Variants in DTNA observed in about 807,000 individuals in gnomAD.
DTNA encodes dystrophin-related protein 3.
Under a neutral mutation model 100.7 loss-of-function variants are expected in DTNA, and 43 were observed. The ratio of observed to expected loss-of-function variants is 0.43; its 90% CI spans 0.33 to 0.55. The LOEUF (loss-of-function observed/expected upper bound fraction) is 0.55, where lower values mean the gene tolerates loss of function less well. Among genes scored for constraint, DTNA ranks in the 20% least tolerant of loss-of-function variants. The probability of loss-of-function intolerance (pLI) is 0.04; values close to 1 mark genes in which losing one functional copy is unlikely to be tolerated. For missense variants in DTNA, 798 were observed against 953.9 expected (o/e 0.84, Z 2.15); for synonymous variants, 349 against 347.9 (o/e 1.00, Z -0.04).
At chr18:34,795,873 G>C (rs2094947276) in intron 4 of DTNA, among the ~76,000 whole-genome samples, 1 of 152,138 alleles carries the variant, frequency 6.6e-6, no homozygotes, top group South Asian at 2.1e-4. Context: ...CTTTTGGTCA[G>C]AAATATTTGC....
intron 1 of DTNA, among the ~76,000 whole-genome samples, chr18:34,565,358 T>G (rs1307207124): frequency 6.6e-6 from 1 of 152,180 alleles, no homozygotes; most frequent in Non-Finnish European, 1.5e-5. Context: ...AATAGACAGT[T>G]AAGAATCTGC....
At chr18:34,650,892 C>T (rs572378270) in intron 1 of DTNA, among the ~76,000 whole-genome samples, 1 of 152,098 alleles carries the variant, frequency 6.6e-6, no homozygotes, top group Non-Finnish European at 1.5e-5. Flanking sequence ...AGTTCTACTA[C>T]CCTGAATCAT....
Position 34,513,121 on chromosome 18 carries a change from A to G in DTNA, c.-2+19607A>G, listed in dbSNP as rs1038833919. Among the ~76,000 whole-genome samples, 2 of 152,134 alleles carry G rather than the reference A, an allele frequency of 1.3e-5. 1 individual carries two copies. Among genetic ancestry groups the G allele is most frequent in the South Asian group, 4.1e-4 (2 of 4,832 alleles). On this transcript the variant is annotated intron_variant, in intron 1 of 19. Transcript: ENST00000283365. ...AGACATAGCTTTTAGAGCTCCGTTT[A>G]TTTTCCCAAAGCCTTTTGCCTCATA...
intron 9 of DTNA, among the ~76,000 whole-genome samples, chr18:34,821,983 T>C (rs1219446088): frequency 2.6e-5 from 4 of 152,196 alleles, no homozygotes; most frequent in African/African-American, 7.2e-5. Context: ...GTGAGCTTTG[T>C]ATAAATACTT....
intron 1 of DTNA, among the ~76,000 whole-genome samples, chr18:34,497,906 T>C (rs962282837): frequency 9.9e-5 from 15 of 152,166 alleles, no homozygotes; most frequent in African/African-American, 3.6e-4. Flanking sequence ...AAATCAAAAG[T>C]ACAAGAGTAT....
At chr18:34,542,809 C>T (rs528849870) in intron 1 of DTNA, among the ~76,000 whole-genome samples, 1 of 152,074 alleles carries the variant, frequency 6.6e-6, no homozygotes, top group Non-Finnish European at 1.5e-5. Context: ...CAACCACCAC[C>T]ACAACTAATA....
At chr18:34,786,604 A>G (rs1271112093) in intron 3 of DTNA, among the ~76,000 whole-genome samples, 3 of 151,978 alleles carry the variant, frequency 2.0e-5, no homozygotes, top group African/African-American at 7.2e-5. Context: ...AGATTGAGGG[A>G]GCATGCGCAT....
intron 15 of DTNA, among the ~76,000 whole-genome samples, chr18:34,853,892 A>G (rs1256089184): frequency 1.3e-5 from 2 of 152,224 alleles, no homozygotes; most frequent in Non-Finnish European, 2.9e-5. Context: ...GTGCCAAGTC[A>G]GAAAAAAGCA....
At chr18:34,598,912 CTAAAAGCCTATGCTA>C (rs2051206412) in intron 1 of DTNA, among the ~76,000 whole-genome samples, 1 of 152,110 alleles carries the variant, frequency 6.6e-6, no homozygotes, top group African/African-American at 2.4e-5. Context: ...TATCATCTTT[CTAAAAGCCTATGCTA>C]AGCAAAGAAA....
intron 1 of DTNA, among the ~76,000 whole-genome samples, chr18:34,636,164 G>T (rs1016838852): frequency 2.0e-5 from 3 of 151,944 alleles, no homozygotes; most frequent in Admixed American, 2.0e-4. Flanking sequence ...AATTTTTTTT[G>T]AGACAAAGTC....
At chr18:34,833,674 G>C (rs1156983769) in intron 11 of DTNA, among the ~76,000 whole-genome samples, 2 of 152,184 alleles carry the variant, frequency 1.3e-5, no homozygotes, top group Non-Finnish European at 2.9e-5. Context: ...TGCTCATACA[G>C]TGGCAAGGGA....
chr18:34,695,272 A>C (rs560494714), intron 1 of DTNA, among the ~76,000 whole-genome samples: 1 of 152,178 alleles, frequency 6.6e-6, no homozygotes, highest in Non-Finnish European at 1.5e-5. Flanking sequence ...TGTTGTGTGT[A>C]AAGTTGTAAC....
intron 1 of DTNA, among the ~76,000 whole-genome samples, chr18:34,640,436 C>G (rs1599453758): frequency 6.6e-6 from 1 of 152,298 alleles, no homozygotes; most frequent in African/African-American, 2.4e-5. Context: ...GTTGTCCTTC[C>G]TACCCTCTTT....
chr18:34,496,253 A>T (rs903769118), intron 1 of DTNA, among the ~76,000 whole-genome samples: 1 of 108,150 alleles, frequency 9.2e-6, no homozygotes, highest in African/African-American at 4.0e-5. Flanking sequence ...CACCAGAATT[A>T]TGGCTACATC....
intron 5 of DTNA, among the ~76,000 whole-genome samples, chr18:34,811,014 A>G (rs2095476080): frequency 6.6e-6 from 1 of 152,204 alleles, no homozygotes; most frequent in Non-Finnish European, 1.5e-5. Context: ...CCCAGATTAT[A>G]TTTTGACCTT....
chr18:34,712,699 T>C (rs1444426740), intron 1 of DTNA, among the ~76,000 whole-genome samples: 3 of 152,170 alleles, frequency 2.0e-5, no homozygotes, highest in Non-Finnish European at 4.4e-5. Context: ...CAGTATTTGT[T>C]TCAACTCTTG....
chr18:34,602,667 G>A (rs373403219), intron 1 of DTNA, among the ~76,000 whole-genome samples: 11 of 151,770 alleles, frequency 7.2e-5, no homozygotes, highest in African/African-American at 2.7e-4. Flanking sequence ...TTCAAGACCA[G>A]CCTGGGAAAT....
chr18:34,867,592 T>TA (rs2096719653), intron 17 of DTNA: 1 of 1,042,406 alleles, frequency 9.6e-7, no homozygotes, highest in South Asian at 4.6e-5. Flanking sequence ...AAAAAGGAAA[T>TA]AAGGTTCAAT....
chr18:34,726,118 G>A (rs2086624877), intron 1 of DTNA, among the ~76,000 whole-genome samples: 1 of 152,002 alleles, frequency 6.6e-6, no homozygotes, highest in Non-Finnish European at 1.5e-5. Context: ...GCTGGAGGAG[G>A]GATAGCATTA....
Sources: allele counts gnomAD v4.1 joint callset (sites outside exome capture counted in the v4.1 genomes callset), GRCh38; gene constraint gnomAD v4.1.1; transcripts MANE v1.5; gene names NCBI Gene and HGNC (gene_info 2026-07-23, HGNC 2026-07-21).